Variants in YIPF5 observed in about 807,000 individuals in gnomAD.
The protein encoded by YIPF5 is protein YIPF5.
YIPF5 carries 8 observed loss-of-function variants against 30.4 expected under a neutral mutation model. The observed-to-expected ratio is 0.26, with a 90% CI of 0.15 to 0.47. The LOEUF (loss-of-function observed/expected upper bound fraction) is 0.47, where lower values mean the gene tolerates loss of function less well. YIPF5 is among the 20% of genes least tolerant of loss of function. YIPF5 has a pLI of 0.99. For missense variants in YIPF5, 282 were observed against 301.8 expected, an observed-to-expected ratio of 0.93 and a Z score of 0.49; for synonymous variants, 104 against 107.9, an observed-to-expected ratio of 0.96 and a Z score of 0.23.
Position 144,158,468 on chromosome 5 carries a change from A to G in YIPF5, c.*1929T>C. On this transcript the variant is annotated 3_prime_UTR_variant, in exon 6 of 6. Transcript: ENST00000274496. ...AAGAAAATAATTTGATCCATATGTG[A>G]TATTTGGCTGAAGATTAACAGTGTT... 1.6e-6 allele frequency: 2 copies of G among 1,272,448 alleles called. No homozygotes were observed. The highest frequency in any genetic ancestry group is 2.0e-6 in the Non-Finnish European group (2 of 983,506). The allele number at this position is 1,272,448 out of a possible 1,614,324, so 78.8% of individuals were successfully genotyped here.
At chr5:144,164,780 G>C (rs1752156233) in intron 3 of YIPF5, among the ~76,000 whole-genome samples, 1 of 151,982 alleles carries the variant, frequency 6.6e-6, no homozygotes, top group Non-Finnish European at 1.5e-5. Flanking sequence ...TTTCTGGATT[G>C]GTGTTGGAAA....
intron 2 of YIPF5, among the ~76,000 whole-genome samples, chr5:144,167,588 C>A (rs1166159038): frequency 6.6e-6 from 1 of 152,118 alleles, no homozygotes; most frequent in African/African-American, 2.4e-5. Context: ...CAATGTGGAA[C>A]CTGTCCAATT....
chr5:144,165,813 A>G (rs9687776), intron 2 of YIPF5, among the ~76,000 whole-genome samples: 45,443 of 151,962 alleles, frequency 0.3, 7,980 homozygotes, highest in African/African-American at 0.49. Context: ...TAATTTTTAT[A>G]GAAAATATTC....
At chr5:144,164,515 T>C (rs1420219582) in intron 3 of YIPF5, among the ~76,000 whole-genome samples, 3 of 151,930 alleles carry the variant, frequency 2.0e-5, no homozygotes, top group African/African-American at 7.3e-5. Context: ...GCCTCGTGAG[T>C]AGCTGGGACC....
At chr5:144,168,378 A>G (rs1228135786) in intron 2 of YIPF5, among the ~76,000 whole-genome samples, 2 of 152,222 alleles carry the variant, frequency 1.3e-5, no homozygotes, top group Non-Finnish European at 2.9e-5. Context: ...TTCTAATCAT[A>G]AAAACCATTC....
intron 1 of YIPF5, 55 bp from the exon 2 acceptor site, chr5:144,170,020 C>T: frequency 7.0e-7 from 1 of 1,430,622 alleles, no homozygotes; most frequent in Non-Finnish European, 9.8e-7. Flanking sequence ...CTACTGAATT[C>T]GTTCCTGGCA....
rs1415200162 is a variant in YIPF5 at position 144,169,873 on chromosome 5, T to A, written c.83A>T (p.Tyr28Phe). The A allele has an allele frequency of 1.2e-6, 2 of 1,614,092 alleles. No homozygotes were observed. Among genetic ancestry groups the A allele is most frequent in the Non-Finnish European group, 1.7e-6 (2 of 1,180,034 alleles). ...GCTATAGGGTCCTCCACTTCCTCCA[T>A]AATCATAGGACTGCTGTGACTGATC... ...IDDQSQQSYD[Y>F]GGSGGPYSKQ... The change falls in exon 2 of 6, where the codon TAT becomes TTT. Residue 28 changes from tyrosine to phenylalanine, a missense_variant. By Grantham distance (22) the Tyr-to-Phe change is conservative. Transcript: ENST00000274496.
chr5:144,164,132 A>G lies in YIPF5; in HGVS notation c.408T>C (p.Ala136=), dbSNP rs754702103. 1.2e-6 allele frequency: 2 copies of G among 1,612,908 alleles called. No homozygotes were observed. Among genetic ancestry groups the G allele is most frequent in the Admixed American group, 3.3e-5 (2 of 59,798 alleles). Reference sequence around the variant, plus strand: ...TTACCAGTAGCAATGTGGCTCCAAAAGCAAGGCAAAAAACCATTGGACCTG... The same window carrying G: ...TTACCAGTAGCAATGTGGCTCCAAAGGCAAGGCAAAAAACCATTGGACCTG... ...DLAGPMVFCL[A]FGATLLLAGK... Residue 136 remains alanine, a synonymous_variant, in exon 4 of 6, where the codon GCT becomes GCC. Coordinates refer to ENST00000274496, the MANE Select transcript of YIPF5 (RefSeq NM_030799.9).
chr5:144,169,328 G>A (rs1368232135), intron 2 of YIPF5, among the ~76,000 whole-genome samples: 1 of 152,192 alleles, frequency 6.6e-6, no homozygotes, highest in African/African-American at 2.4e-5. Flanking sequence ...CTGACCATAA[G>A]GGTTTGAGAA....
At position 144,158,815 on chromosome 5, in the gene YIPF5, GT is replaced by G; in HGVS notation, c.*1581del. 1.0e-6 allele frequency: 1 copy of G among 983,662 alleles called. No individual in the cohort carries two copies. The highest frequency in any genetic ancestry group is 1.2e-6 in the Non-Finnish European group (1 of 829,294). 60.9% of individuals were successfully genotyped at this position (983,662 alleles called of 1,614,324 possible). ...CATACTTATGTGAATCAATAAATAT[GT>G]TATTTCTCTCAACCTCTTTTTATGC... is the stretch of plus-strand genomic sequence containing the variant. On this transcript the variant is annotated 3_prime_UTR_variant, in exon 6 of 6. Transcript: ENST00000274496.
intron 2 of YIPF5, 35 bp downstream of exon 2, chr5:144,169,811 G>A (rs1188265002): frequency 1.3e-5 from 20 of 1,543,352 alleles, no homozygotes; most frequent in Non-Finnish European, 1.7e-5. Context: ...TCACTGCAAT[G>A]TAGACTAAAT....
At position 144,159,930 on chromosome 5, in the gene YIPF5, G is replaced by A. The variant is rs368088396; in HGVS notation, c.*467C>T. ...TCACCGTGTTAACCAGGATGGTCTC[G>A]ATCTCCTGCCCTTGTGATCCGCCCG... is the stretch of plus-strand genomic sequence containing the variant. On this transcript the variant is annotated 3_prime_UTR_variant, in exon 6 of 6. Coordinates refer to ENST00000274496, the MANE Select transcript of YIPF5 (RefSeq NM_030799.9). 1.2e-4 allele frequency: 99 copies of A among 831,124 alleles called. No homozygotes were observed. The African/African-American group carries it at 1.3e-3, about 11-fold the overall frequency. 51.5% of individuals were successfully genotyped at this position (831,124 alleles called of 1,614,324 possible). A position where few individuals can be genotyped will look rare whatever the true frequency, so the allele number is the denominator to read the frequency against.
chr5:144,161,174 C>A, intron 5 of YIPF5, among the ~76,000 whole-genome samples: 1 of 151,952 alleles, frequency 6.6e-6, no homozygotes, highest in African/African-American at 2.4e-5. Flanking sequence ...ACATATTTGT[C>A]TCTTCTCCTC....
At chr5:144,165,107 T>C (rs982300614) in intron 3 of YIPF5, among the ~76,000 whole-genome samples, 2 of 152,234 alleles carry the variant, frequency 1.3e-5, no homozygotes, top group African/African-American at 4.8e-5. Flanking sequence ...GTTCTGCCAG[T>C]TTATTTCCAC....
At chr5:144,166,452 A>G (rs1752205062) in intron 2 of YIPF5, among the ~76,000 whole-genome samples, 7 of 152,168 alleles carry the variant, frequency 4.6e-5, no homozygotes, top group Admixed American at 4.6e-4. Context: ...ACTAAGAAAC[A>G]CAGATGTAAA....
Position 144,158,323 on chromosome 5 carries a change from A to T in YIPF5, c.*2074T>A. 1 of 782,176 alleles carries T rather than the reference A, an allele frequency of 1.3e-6. No homozygotes were observed. The highest frequency in any genetic ancestry group is 1.8e-6 in the Non-Finnish European group (1 of 554,154). 48.5% of individuals were successfully genotyped at this position (782,176 alleles called of 1,614,324 possible). ...TAGCTGTTTTGACAGAGCAACAGTT[A>T]AGCATAAAATAGCTTTGCACCTTAT... On this transcript the variant is annotated 3_prime_UTR_variant, in exon 6 of 6. Coordinates refer to ENST00000274496, the MANE Select transcript of YIPF5 (RefSeq NM_030799.9).
intron 3 of YIPF5, among the ~76,000 whole-genome samples, chr5:144,165,195 C>T (rs150290642): frequency 1.3e-5 from 2 of 152,184 alleles, no homozygotes; most frequent in African/African-American, 2.4e-5. Flanking sequence ...AAGTAAAAGT[C>T]GATGCTGACA....
At chr5:144,167,906 G>A (rs566156980) in intron 2 of YIPF5, among the ~76,000 whole-genome samples, 3 of 148,550 alleles carry the variant, frequency 2.0e-5, no homozygotes, top group East Asian at 1.9e-4. Context: ...TTTGGTTAAC[G>A]GAGATGGACA....
At chr5:144,163,413 T>C (rs999877745) in intron 4 of YIPF5, among the ~76,000 whole-genome samples, 8 of 152,190 alleles carry the variant, frequency 5.3e-5, no homozygotes, top group Non-Finnish European at 7.4e-5. Context: ...ATAACCTGTC[T>C]TGTTTCACCT....
Sources: gnomAD v4.1 joint callset for allele counts (sites outside exome capture counted in the v4.1 genomes callset) on GRCh38, gnomAD v4.1.1 for gene constraint, MANE v1.5 for transcripts, NCBI Gene and HGNC (gene_info 2026-07-23, HGNC 2026-07-21) for gene names.